The following JAKMIP2 variants were observed in gnomAD, a reference collection of about 807,000 sequenced individuals.
JAKMIP2 encodes the protein janus kinase and microtubule-interacting protein 2.
Under a neutral mutation model 115.0 loss-of-function variants are expected in JAKMIP2, and 25 were observed. The ratio of observed to expected loss-of-function variants is 0.22; its 90% CI spans 0.16 to 0.30. The LOEUF is 0.30. Ranked by LOEUF, JAKMIP2 falls within the 10% of genes least tolerant of loss-of-function variation. JAKMIP2 has a pLI of 1.00. For synonymous variants in JAKMIP2, 334 were observed against 343.6 expected, an observed-to-expected ratio of 0.97 and a Z score of 0.31; for missense variants, 642 against 957.6, an observed-to-expected ratio of 0.67 and a Z score of 4.35.
intron 1 of JAKMIP2, among the ~76,000 whole-genome samples, chr5:147,681,181 T>C (rs1760249722): frequency 6.6e-6 from 1 of 152,148 alleles, no homozygotes; most frequent in Non-Finnish European, 1.5e-5. Context: ...GAAATATGCT[T>C]CATAAAGTAT....
intron 1 of JAKMIP2, among the ~76,000 whole-genome samples, chr5:147,761,977 CA>C (rs1320231237): frequency 6.6e-6 from 1 of 151,664 alleles, no homozygotes; most frequent in East Asian, 1.9e-4. Context: ...GATAAAAATA[CA>C]TATGTCTTAT....
At chr5:147,639,587 A>T in intron 10 of JAKMIP2, 45 bp downstream of exon 10, 1 of 1,569,758 alleles carries the variant, frequency 6.4e-7, no homozygotes, top group Non-Finnish European at 8.6e-7. Flanking sequence ...TTATGCTGTG[A>T]CTGCTGCACG....
intron 1 of JAKMIP2, among the ~76,000 whole-genome samples, chr5:147,729,729 G>T (rs556863722): frequency 2.7e-5 from 4 of 150,570 alleles, no homozygotes; most frequent in Non-Finnish European, 5.9e-5. Context: ...AGCCGAGATC[G>T]CGCCTCTGCA....
At chr5:147,728,154 A>G (rs1480879331) in intron 1 of JAKMIP2, among the ~76,000 whole-genome samples, 1 of 152,170 alleles carries the variant, frequency 6.6e-6, no homozygotes, top group Non-Finnish European at 1.5e-5. Context: ...GGTAGGAAAT[A>G]TACTTTTAGG....
At position 147,639,541 on chromosome 5, in the gene JAKMIP2, A is replaced by G. The variant is rs1757781092; in HGVS notation, c.1530+91T>C. 2.1e-6 allele frequency: 3 copies of G among 1,414,840 alleles called. No homozygotes were observed. The East Asian group carries it at 7.1e-5, about 34-fold the overall frequency. The allele number at this position is 1,414,840 out of a possible 1,614,324, so 87.6% of individuals were successfully genotyped here. A position where few individuals can be genotyped will look rare whatever the true frequency, so the allele number is the denominator to read the frequency against. ...GCAGAGGAGAGAAGAATACAGGGAA[A>G]GCTGTCTTATTGATATTTTTATGTC... On this transcript the variant is annotated intron_variant, in intron 10 of 21. Coordinates refer to ENST00000616793, the MANE Select transcript of JAKMIP2 (RefSeq NM_001270941.2).
At chr5:147,739,490 G>A (rs1366982445) in intron 1 of JAKMIP2, among the ~76,000 whole-genome samples, 1 of 152,092 alleles carries the variant, frequency 6.6e-6, no homozygotes, top group Non-Finnish European at 1.5e-5. Flanking sequence ...AGGAGGGGCT[G>A]GCCAAACAGT....
chr5:147,636,935 C>T, intron 11 of JAKMIP2, 30 bp downstream of exon 11: 1 of 872,552 alleles, frequency 1.1e-6, no homozygotes, highest in East Asian at 2.4e-5. Flanking sequence ...TTGTCTGCAT[C>T]TGCAGAAGAG....
At chr5:147,658,632 C>T (rs1023278917) in intron 3 of JAKMIP2, among the ~76,000 whole-genome samples, 3 of 152,182 alleles carry the variant, frequency 2.0e-5, no homozygotes, top group African/African-American at 2.4e-5. Flanking sequence ...CTACCACAGC[C>T]GCCCCTCCCC....
chr5:147,600,768 T>TA (rs1201161745), intron 21 of JAKMIP2, among the ~76,000 whole-genome samples: 3 of 152,150 alleles, frequency 2.0e-5, no homozygotes, highest in African/African-American at 7.2e-5. Context: ...AGGTGGGGCT[T>TA]AAAAATCTAT....
chr5:147,758,165 G>GC (rs1754813279), intron 1 of JAKMIP2, among the ~76,000 whole-genome samples: 1 of 152,080 alleles, frequency 6.6e-6, no homozygotes, highest in African/African-American at 2.4e-5. Flanking sequence ...CCTCTAATGA[G>GC]AACATGTAAA....
At chr5:147,687,378 G>C (rs1418361607) in intron 1 of JAKMIP2, among the ~76,000 whole-genome samples, 1 of 152,174 alleles carries the variant, frequency 6.6e-6, no homozygotes, top group African/African-American at 2.4e-5. Flanking sequence ...GATGTAATGA[G>C]TGCTGAAACA....
At chr5:147,646,651 G>C (rs58769264) in intron 5 of JAKMIP2, among the ~76,000 whole-genome samples, 2,497 of 151,366 alleles carry the variant, frequency 0.016, 73 homozygotes, top group African/African-American at 0.057. Context: ...ATGTATATAT[G>C]TATGTCTATA....
chr5:147,596,001 T>C (rs974208940), intron 21 of JAKMIP2, among the ~76,000 whole-genome samples: 6 of 152,084 alleles, frequency 3.9e-5, no homozygotes, highest in African/African-American at 1.2e-4. Context: ...ATCCGAAGGA[T>C]AGGTGAGTAG....
At chr5:147,681,093 T>C (rs879797289) in intron 1 of JAKMIP2, among the ~76,000 whole-genome samples, 10 of 152,188 alleles carry the variant, frequency 6.6e-5, no homozygotes, top group Non-Finnish European at 8.8e-5. Context: ...ATGAAAAGAA[T>C]GCTATATAAA....
chr5:147,586,408 G>A lies in JAKMIP2; in HGVS notation c.*5299C>T, dbSNP rs911512342. ...CAGTCTGTGAGATGTCAGTCAAATA[G>A]AAGTGTTGTTACTAACAGATGCTGG... On this transcript the variant is annotated 3_prime_UTR_variant, in exon 22 of 22. Coordinates refer to ENST00000616793, the MANE Select transcript of JAKMIP2 (RefSeq NM_001270941.2). The A allele has an allele frequency of 6.6e-6, 1 of 152,108 alleles. No individual in the cohort carries two copies. The highest frequency in any genetic ancestry group is 2.4e-5 in the African/African-American group (1 of 41,402). 9.4% of individuals were successfully genotyped at this position (152,108 alleles called of 1,614,324 possible).
intron 1 of JAKMIP2, among the ~76,000 whole-genome samples, chr5:147,757,134 A>G (rs1013418401): frequency 1.3e-5 from 2 of 152,148 alleles, no homozygotes; most frequent in Admixed American, 6.6e-5. Flanking sequence ...ATCTGTTTAC[A>G]TGGTCCATAC....
chr5:147,688,092 C>A (rs1189855891), intron 1 of JAKMIP2, among the ~76,000 whole-genome samples: 2 of 152,112 alleles, frequency 1.3e-5, no homozygotes, highest in African/African-American at 4.8e-5. Context: ...TTTTTCATAT[C>A]TATTATTGCC....
chr5:147,691,124 G>A (rs1275667076), intron 1 of JAKMIP2, among the ~76,000 whole-genome samples: 1 of 152,106 alleles, frequency 6.6e-6, no homozygotes. Context: ...CCAGATACAT[G>A]AGTTTTATTT....
At chr5:147,683,739 T>A (rs1053694139) in intron 1 of JAKMIP2, among the ~76,000 whole-genome samples, 9 of 152,152 alleles carry the variant, frequency 5.9e-5, no homozygotes, top group Non-Finnish European at 1.3e-4. Context: ...GTGTCAGACA[T>A]GAGCAGAAAT....
Sources: allele counts gnomAD v4.1 joint callset (sites outside exome capture counted in the v4.1 genomes callset), GRCh38; gene constraint gnomAD v4.1.1; transcripts MANE v1.5; gene names NCBI Gene and HGNC (gene_info 2026-07-23, HGNC 2026-07-21).